Variants in DCX observed in about 807,000 individuals in gnomAD.
The protein encoded by DCX is neuronal migration protein doublecortin.
Under a neutral mutation model 20.9 loss-of-function variants are expected in DCX, and 4 were observed. That is an observed-to-expected ratio of 0.19 (90% confidence interval 0.09 to 0.44). The LOEUF (loss-of-function observed/expected upper bound fraction) is 0.44. Among genes scored for constraint, DCX ranks in the 20% least tolerant of loss-of-function variants. The pLI, the probability that DCX is intolerant of heterozygous loss-of-function variation, is 0.99. For missense variants in DCX, 133 were observed against 296.9 expected, an observed-to-expected ratio of 0.45 and a Z score of 4.06; for synonymous variants, 103 against 111.4, an observed-to-expected ratio of 0.92 and a Z score of 0.47.
At chrX:111,402,930 G>A (rs760300554) in intron 2 of DCX, among the ~76,000 whole-genome samples, 3 of 110,004 alleles carry the variant, frequency 2.7e-5, no homozygotes, top group Non-Finnish European at 5.7e-5. Flanking sequence ...TTTTAAGTGA[G>A]GATAGGCACC....
intron 6 of DCX, among the ~76,000 whole-genome samples, chrX:111,307,887 A>G (rs932792962): frequency 9.0e-6 from 1 of 111,401 alleles, no homozygotes; most frequent in African/African-American, 3.3e-5. Flanking sequence ...ATCTCAGAGG[A>G]AGCAGGGATA....
intron 3 of DCX, among the ~76,000 whole-genome samples, chrX:111,386,552 C>T (rs1211513687): frequency 9.0e-6 from 1 of 111,448 alleles, no homozygotes; most frequent in African/African-American, 3.3e-5. Flanking sequence ...ACAGACTCTT[C>T]AGCAGTCAAT....
At chrX:111,404,000 C>T (rs923423800) in intron 2 of DCX, among the ~76,000 whole-genome samples, 3 of 108,212 alleles carry the variant, frequency 2.8e-5, no homozygotes, top group East Asian at 2.9e-4. Flanking sequence ...GAGCTGAGAT[C>T]GCACCACTGC....
chrX:111,325,577 G>T (rs1317124442), intron 5 of DCX, among the ~76,000 whole-genome samples: 1 of 112,370 alleles, frequency 8.9e-6, no homozygotes, highest in African/African-American at 3.2e-5. Context: ...CACGTAAAAA[G>T]ATTGTTATCA....
At chrX:111,408,686 GAAA>G (rs1928451311) in intron 2 of DCX, among the ~76,000 whole-genome samples, 15 of 110,083 alleles carry the variant, frequency 1.4e-4, no homozygotes, top group African/African-American at 2.3e-4. Flanking sequence ...AAGAAAGAAA[GAAA>G]GAAAGGAAGG....
intron 3 of DCX, among the ~76,000 whole-genome samples, chrX:111,375,605 A>G (rs999592428): frequency 2.7e-5 from 3 of 111,020 alleles, no homozygotes; most frequent in African/African-American, 9.8e-5. Flanking sequence ...TCATATTTAC[A>G]GTGAAGTACT....
At chrX:111,306,973 G>C (rs2095046728) in intron 6 of DCX, among the ~76,000 whole-genome samples, 1 of 110,985 alleles carries the variant, frequency 9.0e-6, no homozygotes, top group South Asian at 3.8e-4. Context: ...AAACAGAATT[G>C]ATTAGTGGTT....
intron 3 of DCX, among the ~76,000 whole-genome samples, chrX:111,366,797 T>A (rs1326542249): frequency 1.8e-5 from 2 of 112,060 alleles, no homozygotes; most frequent in Non-Finnish European, 3.8e-5. Flanking sequence ...TGACTTAGTC[T>A]AAAATCCATT....
intron 3 of DCX, among the ~76,000 whole-genome samples, chrX:111,338,925 C>T (rs1415368150): frequency 9.0e-6 from 1 of 111,629 alleles, no homozygotes. Flanking sequence ...CTTGTTAAGG[C>T]CAACAATGGC....
intron 2 of DCX, among the ~76,000 whole-genome samples, chrX:111,402,775 TGTGC>T (rs990973444): frequency 1.9e-5 from 2 of 104,931 alleles, no homozygotes; most frequent in Non-Finnish European, 3.9e-5. Flanking sequence ...TGTGTGTGTG[TGTGC>T]GTGGTGTGTG....
At position 111,301,594 on chromosome X, in the gene DCX, C is replaced by T; in HGVS notation, c.*93G>A. 1.2e-6 allele frequency: 1 copy of T among 866,307 alleles called. No homozygotes were observed. The highest frequency in any genetic ancestry group is 1.7e-6 in the Non-Finnish European group (1 of 582,229). 71.4% of individuals were successfully genotyped at this position (866,307 alleles called of 1,213,427 possible). A position where few individuals can be genotyped will look rare whatever the true frequency, so the allele number is the denominator to read the frequency against. On this transcript the variant is annotated 3_prime_UTR_variant, in exon 7 of 7. Coordinates refer to ENST00000636035, the MANE Select transcript of DCX (RefSeq NM_001195553.2). Reference sequence around the variant, plus strand: ...CAACAACAAAATAAAAACTTGAAAGCACCAATAGCCCTGTTGGACACTTGA... The same window carrying T: ...CAACAACAAAATAAAAACTTGAAAGTACCAATAGCCCTGTTGGACACTTGA...
At chrX:111,395,233 C>A (rs2078320089) in intron 3 of DCX, among the ~76,000 whole-genome samples, 1 of 111,946 alleles carries the variant, frequency 8.9e-6, no homozygotes, top group African/African-American at 3.2e-5. Flanking sequence ...GTGATTGGCT[C>A]CACGTTACAT....
chrX:111,299,992 C>A lies in DCX; in HGVS notation c.*1695G>T, dbSNP rs948161259. On this transcript the variant is annotated 3_prime_UTR_variant, in exon 7 of 7. Transcript: ENST00000636035. Reference sequence around the variant, plus strand: ...TAATTTTGAAGCAGCTGCAGATGCACACACACACACACACATGCACCACCC... The same window carrying A: ...TAATTTTGAAGCAGCTGCAGATGCAAACACACACACACACATGCACCACCC... The A allele has an allele frequency of 1.8e-5, 2 of 109,254 alleles. No homozygotes were observed. The highest frequency in any genetic ancestry group is 3.8e-5 in the Non-Finnish European group (2 of 52,360). The allele number at this position is 109,254 out of a possible 1,213,427, so 9.0% of individuals were successfully genotyped here. A position where few individuals can be genotyped will look rare whatever the true frequency, so the allele number is the denominator to read the frequency against.
chrX:111,311,052 G>A (rs968559008), intron 6 of DCX, among the ~76,000 whole-genome samples: 1 of 112,429 alleles, frequency 8.9e-6, no homozygotes, highest in African/African-American at 3.2e-5. Flanking sequence ...GGGCAGAAAG[G>A]CATATAGGAG....
At chrX:111,332,833 T>C (rs763310197) in intron 4 of DCX, among the ~76,000 whole-genome samples, 1 of 111,708 alleles carries the variant, frequency 9.0e-6, no homozygotes, top group East Asian at 2.9e-4. Context: ...TAGTGAGTTT[T>C]ATTGAGTTTG....
intron 3 of DCX, among the ~76,000 whole-genome samples, chrX:111,361,080 A>C (rs1297906615): frequency 5.4e-5 from 6 of 111,769 alleles, no homozygotes; most frequent in African/African-American, 2.0e-4. Flanking sequence ...TATATTTCCA[A>C]ATGTCCCCTT....
At chrX:111,314,984 T>C (rs1267563723) in intron 5 of DCX, among the ~76,000 whole-genome samples, 2 of 109,878 alleles carry the variant, frequency 1.8e-5, no homozygotes, top group Non-Finnish European at 3.8e-5. Flanking sequence ...CATTTGTCAA[T>C]TTTGTCTTTT....
chrX:111,359,751 T>C (rs768360321), intron 3 of DCX, among the ~76,000 whole-genome samples: 1 of 111,782 alleles, frequency 8.9e-6, no homozygotes, highest in Non-Finnish European at 1.9e-5. Context: ...ATGCTGAAAA[T>C]TATGCTCACT....
intron 6 of DCX, among the ~76,000 whole-genome samples, chrX:111,305,279 G>A (rs958770440): frequency 9.0e-6 from 1 of 111,611 alleles, no homozygotes; most frequent in Non-Finnish European, 1.9e-5. Flanking sequence ...ACAAAAGACT[G>A]TACAAATTTA....
Sources: gnomAD v4.1 joint callset for allele counts (sites outside exome capture counted in the v4.1 genomes callset) on GRCh38, gnomAD v4.1.1 for gene constraint, MANE v1.5 for transcripts, NCBI Gene and HGNC (gene_info 2026-07-23, HGNC 2026-07-21) for gene names.